TRHDE: variants seen among roughly 807,000 people sequenced by gnomAD.
TRHDE encodes the protein thyrotropin-releasing hormone-degrading ectoenzyme.
In TRHDE, 72 loss-of-function variants were observed where a neutral mutation model predicts 125.7. That is an observed-to-expected ratio of 0.57 (90% CI 0.47 to 0.70). The LOEUF is 0.70. Ranked by LOEUF, TRHDE falls within the 30% of genes least tolerant of loss-of-function variation. The pLI is 0.00. For synonymous variants in TRHDE, 509 were observed against 509.1 expected, an observed-to-expected ratio of 1.00 and a Z score of 0.00; for missense variants, 1,110 against 1,327.1, an observed-to-expected ratio of 0.84 and a Z score of 2.54.
intron 2 of TRHDE, among the ~76,000 whole-genome samples, chr12:72,343,256 C>G (rs1870164693): frequency 1.3e-5 from 2 of 152,152 alleles, no homozygotes; most frequent in Admixed American, 6.5e-5. Context: ...GGAACACCCC[C>G]CACCCCGCCC....
intron 2 of TRHDE, among the ~76,000 whole-genome samples, chr12:72,135,139 G>A (rs960151629): frequency 6.6e-6 from 1 of 152,160 alleles, no homozygotes; most frequent in African/African-American, 2.4e-5. Flanking sequence ...CAGGGCTTGT[G>A]GGGTTTTGGA....
chr12:72,335,183 A>G (rs4131478), intron 2 of TRHDE, among the ~76,000 whole-genome samples: 52,661 of 151,942 alleles, frequency 0.35, 9,841 homozygotes, highest in Non-Finnish European at 0.43. Flanking sequence ...ATAAAATTAT[A>G]AAAATTCACT....
In TRHDE at chr12:72,547,624, T is replaced by A. The variant is rs184698324; in HGVS notation, c.1788+5268T>A. On this transcript the variant is annotated intron_variant, in intron 7 of 18. Transcript: ENST00000261180. ...TACCTCCCCAGGTGGGCCAATCCTCTTGGGATAAGTTAAAGTACAGCAGCA... is the reference window on the plus strand; with the variant it reads ...TACCTCCCCAGGTGGGCCAATCCTCATGGGATAAGTTAAAGTACAGCAGCA... Among the ~76,000 whole-genome samples the A allele has an allele frequency of 1.6e-4, 25 of 151,948 alleles. No individual in the cohort carries two copies. In the East Asian group the frequency reaches 4.2e-3, roughly 26 times the overall value.
intron 3 of TRHDE, among the ~76,000 whole-genome samples, chr12:72,467,090 T>A (rs540456574): frequency 1.1e-4 from 16 of 152,346 alleles, no homozygotes; most frequent in Admixed American, 9.8e-4. Flanking sequence ...TTTACCTTTT[T>A]TTATTATTAT....
At chr12:72,329,866 C>T (rs929968500) in intron 2 of TRHDE, among the ~76,000 whole-genome samples, 11 of 152,168 alleles carry the variant, frequency 7.2e-5, no homozygotes, top group African/African-American at 2.6e-4. Flanking sequence ...AGTTTGTTCT[C>T]ATAAAAATTT....
At chr12:72,098,034 A>ATATTT (rs1466960846) in intron 1 of TRHDE, among the ~76,000 whole-genome samples, 6 of 152,086 alleles carry the variant, frequency 3.9e-5, no homozygotes, top group Admixed American at 6.5e-5. Context: ...ACAATACTTT[A>ATATTT]TATTTTATTT....
intron 2 of TRHDE, among the ~76,000 whole-genome samples, chr12:72,139,565 A>T (rs1458725480): frequency 1.3e-5 from 2 of 152,208 alleles, no homozygotes; most frequent in Non-Finnish European, 2.9e-5. Context: ...CAGGAGATTT[A>T]ATTTTTACAA....
intron 5 of TRHDE, among the ~76,000 whole-genome samples, chr12:72,481,140 A>G (rs984631004): frequency 2.0e-5 from 3 of 152,030 alleles, no homozygotes; most frequent in African/African-American, 7.2e-5. Flanking sequence ...CCTTAACCAG[A>G]CAGCTATATG....
chr12:72,391,525 C>T (rs553919316), intron 3 of TRHDE, among the ~76,000 whole-genome samples: 57 of 152,118 alleles, frequency 3.7e-4, no homozygotes, highest in African/African-American at 1.3e-3. Context: ...GTTCTGTCTT[C>T]GTATGGTAAA....
Position 72,272,977 on chromosome 12 carries a change from G to C in TRHDE, c.334G>C (p.Glu112Gln). 7.7e-6 allele frequency: 12 copies of C among 1,560,158 alleles called. No homozygotes were observed. Among genetic ancestry groups the C allele is most frequent in the Non-Finnish European group, 1.0e-5 (12 of 1,159,620 alleles). Residue 112 changes from glutamate (E) to glutamine (Q), a missense_variant, in exon 1 of 19, where the codon GAG (glutamate) becomes CAG (glutamine). Glu to Gln is a conservative substitution (Grantham distance 29). Coordinates refer to ENST00000261180, the MANE Select transcript of TRHDE (RefSeq NM_013381.3). This position sits in a 1 kb window ranked among gnomAD's most constrained non-coding sequence, Gnocchi z 6.7. Reference protein sequence around the residue: ...LAVLLSLRFDECGASATPGAD... With the variant: ...LAVLLSLRFDQCGASATPGAD... Reference sequence around the variant, plus strand: ...TGTGCTGCTCAGCCTGCGCTTCGACGAGTGCGGGGCGAGTGCCACGCCAGG... The same window carrying C: ...TGTGCTGCTCAGCCTGCGCTTCGACCAGTGCGGGGCGAGTGCCACGCCAGG...
chr12:72,438,318 G>A (rs1874837758), intron 3 of TRHDE, among the ~76,000 whole-genome samples: 1 of 151,728 alleles, frequency 6.6e-6, no homozygotes, highest in Non-Finnish European at 1.5e-5. Flanking sequence ...GGGTCATGTG[G>A]TAGTTCTATT....
intron 1 of TRHDE, among the ~76,000 whole-genome samples, chr12:72,274,179 G>C (rs905733244): frequency 7.2e-5 from 11 of 152,172 alleles, no homozygotes; most frequent in African/African-American, 2.7e-4. Context: ...CGGGGGTGGA[G>C]GTTGCCAAGG....
intron 5 of TRHDE, among the ~76,000 whole-genome samples, chr12:72,484,441 C>T (rs1197761575): frequency 6.6e-6 from 1 of 152,142 alleles, no homozygotes; most frequent in African/African-American, 2.4e-5. Flanking sequence ...TTCATGTTAA[C>T]TAGCAAAGAA....
At chr12:72,660,055 A>G (rs1874857971) in intron 18 of TRHDE, among the ~76,000 whole-genome samples, 2 of 152,190 alleles carry the variant, frequency 1.3e-5, no homozygotes, top group African/African-American at 4.8e-5. Context: ...TAAGGAGGAT[A>G]AGTCATCCAA....
At chr12:72,345,486 A>T (rs1236929745) in intron 2 of TRHDE, among the ~76,000 whole-genome samples, 3 of 152,180 alleles carry the variant, frequency 2.0e-5, no homozygotes, top group Non-Finnish European at 4.4e-5. Flanking sequence ...TTAGAAACTG[A>T]TGAGTTTTAA....
chr12:72,401,786 C>T (rs1356618422), intron 3 of TRHDE, among the ~76,000 whole-genome samples: 1 of 152,078 alleles, frequency 6.6e-6, no homozygotes, highest in Non-Finnish European at 1.5e-5. Flanking sequence ...ATAGTAATAA[C>T]TTGGGTTGGA....
chr12:72,162,604 A>T (rs1297231286), intron 2 of TRHDE, among the ~76,000 whole-genome samples: 2 of 152,188 alleles, frequency 1.3e-5, no homozygotes, highest in African/African-American at 4.8e-5. Context: ...GTTCAAATTT[A>T]TGTAAGCACT....
chr12:72,334,834 A>G (rs1869757999), intron 2 of TRHDE, among the ~76,000 whole-genome samples: 1 of 152,212 alleles, frequency 6.6e-6, no homozygotes, highest in South Asian at 2.1e-4. Context: ...GGAGGGTGCA[A>G]TGATTGAGGG....
intron 3 of TRHDE, among the ~76,000 whole-genome samples, chr12:72,442,372 C>G (rs1415188205): frequency 6.6e-6 from 1 of 151,864 alleles, no homozygotes; most frequent in African/African-American, 2.4e-5. Flanking sequence ...AAGATTTACT[C>G]TGTCACTTCT....
Sources: allele counts gnomAD v4.1 joint callset (sites outside exome capture counted in the v4.1 genomes callset), GRCh38; gene constraint gnomAD v4.1.1; non-coding constraint Gnocchi (gnomAD v3.1); transcripts MANE v1.5; gene names NCBI Gene and HGNC (gene_info 2026-07-23, HGNC 2026-07-21).